Variants in PDIA6 observed in about 807,000 individuals in gnomAD.
PDIA6 encodes protein disulfide isomerase family A member 6.
In PDIA6, 29 loss-of-function variants were observed where a neutral mutation model predicts 58.4. That is an observed-to-expected ratio of 0.50 (90% CI 0.37 to 0.68). PDIA6 has a LOEUF of 0.68. Ranked by LOEUF, PDIA6 falls within the 30% of genes least tolerant of loss-of-function variation. The pLI is 0.00. For synonymous variants in PDIA6, 192 were observed against 202.6 expected, an observed-to-expected ratio of 0.95 and a Z score of 0.44; for missense variants, 480 against 551.0, an observed-to-expected ratio of 0.87 and a Z score of 1.29.
chr2:10,802,376 C>T, intron 2 of PDIA6, 123 bp downstream of exon 2: 1 of 546,646 alleles, frequency 1.8e-6, no homozygotes, highest in Non-Finnish European at 2.9e-6. Context: ...TCCCTCTTCT[C>T]TACTTCTTTT....
Position 10,802,564 on chromosome 2 carries a change from TG to T in PDIA6, c.95del (p.Pro32HisfsTer17). 6.7e-7 allele frequency: 1 copy of T among 1,488,042 alleles called. No individual in the cohort carries two copies. Among genetic ancestry groups the T allele is most frequent in the Non-Finnish European group, 9.0e-7 (1 of 1,116,846 alleles). The allele number at this position is 1,488,042 out of a possible 1,614,324, so 92.2% of individuals were successfully genotyped here. On this transcript the variant is annotated frameshift_variant, in exon 2 of 13. Transcript: ENST00000272227. LOFTEE classifies it high-confidence loss of function. ...GAATAACTTCTCGGTTGAAATTCGA[TG>T]GAGTTAATTCGATCACATCATCACT... ...SSSDDVIELT[P>X]SNFNREVIQS...
In PDIA6 at chr2:10,785,011, CA is replaced by C; in HGVS notation, c.1176del (p.Gly393AlafsTer6). ...NEFLRELSFG[R>X]GSTAPVGGGA... ...CCGCCTCCTACAGGTGCCGTGGAGC[CA>C]CGCCCAAAAGAGAGCTCCCTTAGGG... On this transcript the variant is annotated frameshift_variant, in exon 12 of 13. Coordinates refer to ENST00000272227, the MANE Select transcript of PDIA6 (RefSeq NM_005742.4). LOFTEE classifies it high-confidence loss of function. The C allele has an allele frequency of 6.3e-7, 1 of 1,581,712 alleles. No individual in the cohort carries two copies. Among genetic ancestry groups the C allele is most frequent in the South Asian group, 1.2e-5 (1 of 86,648 alleles).
intron 1 of PDIA6, among the ~76,000 whole-genome samples, chr2:10,803,244 G>A (rs1044817214): frequency 6.6e-6 from 1 of 152,274 alleles, no homozygotes; most frequent in East Asian, 1.9e-4. Flanking sequence ...CACAACCTCC[G>A]CCTCCCAGGT....
intron 2 of PDIA6, among the ~76,000 whole-genome samples, chr2:10,801,133 G>A (rs1429902601): frequency 6.6e-6 from 1 of 152,100 alleles, no homozygotes; most frequent in Non-Finnish European, 1.5e-5. Flanking sequence ...ACAAAAATTA[G>A]CAGGGCGTGG....
At chr2:10,790,048 A>G (rs1164446892) in intron 7 of PDIA6, among the ~76,000 whole-genome samples, 159 bp from the exon 8 acceptor site, 1 of 150,092 alleles carries the variant, frequency 6.7e-6, no homozygotes, top group East Asian at 2.0e-4. Flanking sequence ...GTGCAATCTC[A>G]GCTCACTGCA....
intron 1 of PDIA6, among the ~76,000 whole-genome samples, chr2:10,828,518 C>T (rs540932902): frequency 9.2e-5 from 14 of 152,304 alleles, no homozygotes; most frequent in African/African-American, 1.4e-4. Flanking sequence ...GTCTGTCTCC[C>T]GCCCTCCTTG....
At chr2:10,813,482 G>GA (rs941244502), upstream of PDIA6, among the ~76,000 whole-genome samples, 5 of 145,300 alleles carry the variant, frequency 3.4e-5, no homozygotes, top group East Asian at 1.9e-4. Flanking sequence ...ATGCAAAAGT[G>GA]AAAAAAAATA....
chr2:10,837,244 A>G (rs547635187), upstream of PDIA6, among the ~76,000 whole-genome samples: 12 of 152,306 alleles, frequency 7.9e-5, no homozygotes, highest in African/African-American at 2.9e-4. Flanking sequence ...TACCCAGGAC[A>G]CCACCAGCCC....
intron 1 of PDIA6, 79 bp downstream of exon 1, chr2:10,812,599 G>C: frequency 6.6e-6 from 9 of 1,368,560 alleles, no homozygotes; most frequent in African/African-American, 1.5e-5. Flanking sequence ...GCCGCGGCCC[G>C]CCGGGGAACG....
chr2:10,822,484 G>A (rs184645695), intron 1 of PDIA6, among the ~76,000 whole-genome samples: 2,649 of 151,926 alleles, frequency 0.017, 90 homozygotes, highest in African/African-American at 0.061. Flanking sequence ...GGATGGTCTC[G>A]ATCTCCTGAC....
Position 10,804,109 on chromosome 2 carries a change from T to C in PDIA6, c.20-1469A>G, listed in dbSNP as rs746579805. On this transcript the variant is annotated intron_variant, in intron 1 of 12. Transcript: ENST00000272227. Reference sequence around the variant, plus strand: ...ATTTTTAGTAGAGATGGGGTTTCACTGTGTTAGCCAGGATGGTCTCGATCT... The same window carrying C: ...ATTTTTAGTAGAGATGGGGTTTCACCGTGTTAGCCAGGATGGTCTCGATCT... Among the ~76,000 whole-genome samples, 70 of 151,712 alleles carry C rather than the reference T, an allele frequency of 4.6e-4. 1 individual carries two copies. The highest frequency in any genetic ancestry group is 9.2e-4 in the Admixed American group (14 of 15,224).
chr2:10,800,874 T>A (rs367877125), intron 2 of PDIA6, among the ~76,000 whole-genome samples: 3 of 152,144 alleles, frequency 2.0e-5, no homozygotes, highest in South Asian at 2.1e-4. Context: ...GTCTCCCAAA[T>A]TGCTGAAATT....
upstream of PDIA6, among the ~76,000 whole-genome samples, chr2:10,833,900 C>A (rs908999284): frequency 2.6e-4 from 40 of 152,196 alleles, no homozygotes; most frequent in African/African-American, 9.2e-4. Flanking sequence ...TATTGGAAGC[C>A]CCAGACGCTT....
chr2:10,835,280 C>T (rs1667807896), upstream of PDIA6, among the ~76,000 whole-genome samples: 1 of 152,162 alleles, frequency 6.6e-6, no homozygotes, highest in African/African-American at 2.4e-5. Context: ...AGGCTGGGGA[C>T]TCCAGGGACA....
intron 2 of PDIA6, chr2:10,819,254 T>A: frequency 6.9e-7 from 1 of 1,441,510 alleles, no homozygotes; most frequent in Non-Finnish European, 9.6e-7. Flanking sequence ...GCTCCTACTC[T>A]GGGAGTTTCC....
chr2:10,793,260 G>T, intron 4 of PDIA6, 58 bp from the exon 5 acceptor site: 2 of 1,162,102 alleles, frequency 1.7e-6, no homozygotes, highest in South Asian at 1.2e-5. Flanking sequence ...TGCCTCATCT[G>T]GCCCGGCCCA....
At chr2:10,832,478 C>T in exon 1 of PDIA6, 1 of 984,080 alleles carries the variant, frequency 1.0e-6, no homozygotes, top group Non-Finnish European at 1.2e-6. Context: ...CAGCGGGCAC[C>T]CTCGGTTGAG....
chr2:10,810,804 T>C (rs149647101), intron 1 of PDIA6, among the ~76,000 whole-genome samples: 13 of 152,110 alleles, frequency 8.5e-5, no homozygotes, highest in African/African-American at 2.9e-4. Flanking sequence ...CTGGGCTCAC[T>C]TAAGATGACA....
chr2:10,802,481 C>T lies in PDIA6; in HGVS notation c.161+18G>A. The stretch of plus-strand genomic sequence containing the variant: ...AGAAAGTACTATAAATAATCTACAA[C>T]TATTTTATAATACTTACCATGGAGC... On this transcript the variant is annotated intron_variant, in intron 2 of 12. Coordinates refer to ENST00000272227, the MANE Select transcript of PDIA6 (RefSeq NM_005742.4). The T allele has an allele frequency of 7.6e-7, 1 of 1,310,514 alleles. No individual in the cohort carries two copies. Among genetic ancestry groups the T allele is most frequent in the Non-Finnish European group, 9.9e-7 (1 of 1,006,334 alleles). The allele number at this position is 1,310,514 out of a possible 1,614,324, so 81.2% of individuals were successfully genotyped here. A position where few individuals can be genotyped will look rare whatever the true frequency, so the allele number is the denominator to read the frequency against.
Sources: allele counts gnomAD v4.1 joint callset (sites outside exome capture counted in the v4.1 genomes callset), GRCh38; gene constraint gnomAD v4.1.1; transcripts MANE v1.5; gene names NCBI Gene and HGNC (gene_info 2026-07-23, HGNC 2026-07-21).